Variants in FRMPD4 observed in about 807,000 individuals in gnomAD.
FRMPD4 encodes FERM and PDZ domain-containing protein 4.
In FRMPD4, 22 loss-of-function variants were observed where a neutral mutation model predicts 94.1. That is an observed-to-expected ratio of 0.23 (90% CI 0.17 to 0.33). The LOEUF (loss-of-function observed/expected upper bound fraction) is 0.33. FRMPD4 is among the 10% of genes least tolerant of loss of function. The pLI, the probability that FRMPD4 is intolerant of heterozygous loss-of-function variation, is 1.00. For synonymous variants in FRMPD4, 631 were observed against 548.6 expected, an observed-to-expected ratio of 1.15 and a Z score of -2.10; for missense variants, 1,111 against 1,339.9, an observed-to-expected ratio of 0.83 and a Z score of 2.67.
intron 2 of FRMPD4, among the ~76,000 whole-genome samples, chrX:12,606,028 A>C (rs1442506238): frequency 8.9e-6 from 1 of 112,608 alleles, no homozygotes; most frequent in Non-Finnish European, 1.9e-5. Context: ...AAATGAGTGC[A>C]TTGTGGAGTT....
chrX:12,270,021 T>C (rs955096734), intron 1 of FRMPD4, among the ~76,000 whole-genome samples: 1 of 112,244 alleles, frequency 8.9e-6, no homozygotes, highest in Non-Finnish European at 1.9e-5. Flanking sequence ...ATTTCCAAAA[T>C]TCTAATGCAC....
chrX:12,013,795 A>G (rs770900584), intron 3 of FRMPD4, among the ~76,000 whole-genome samples: 3 of 113,074 alleles, frequency 2.7e-5, no homozygotes, highest in African/African-American at 9.6e-5. Flanking sequence ...AATTATTTCA[A>G]ATGTTTCCCT....
At chrX:12,057,524 A>G (rs933585321) in intron 3 of FRMPD4, among the ~76,000 whole-genome samples, 1 of 111,957 alleles carries the variant, frequency 8.9e-6, no homozygotes, top group Non-Finnish European at 1.9e-5. Context: ...AACCATTTTA[A>G]TGGAAGTGAT....
At chrX:11,886,496 C>G (rs1043446199) in intron 3 of FRMPD4, among the ~76,000 whole-genome samples, 38 of 111,685 alleles carry the variant, frequency 3.4e-4, no homozygotes, top group Admixed American at 1.2e-3. Flanking sequence ...AGTGACTGTG[C>G]TTTGCCCTTT....
At chrX:11,877,163 T>C (rs1417133403) in intron 2 of FRMPD4, among the ~76,000 whole-genome samples, 4 of 112,393 alleles carry the variant, frequency 3.6e-5, no homozygotes, top group Non-Finnish European at 7.5e-5. Context: ...GATCAGCTTT[T>C]TCTCGCCAAG....
chrX:12,443,202 T>C (rs923290809), intron 1 of FRMPD4, among the ~76,000 whole-genome samples: 1 of 111,488 alleles, frequency 9.0e-6, no homozygotes, highest in African/African-American at 3.3e-5. Context: ...AATCAGCGAG[T>C]TGTACACTTC....
rs1338966317 is a variant in FRMPD4, at chrX:12,111,571, A to G, written c.95+233553A>G. On this transcript the variant is annotated intron_variant, in intron 3 of 18. Coordinates refer to the FRMPD4 transcript ENST00000640291. ...CAACAAAAGCCAAAATTGACAAATG[A>G]GATCTAATTAAACTAAAGAGCTTCT... Among the ~76,000 whole-genome samples, 42 of 111,281 alleles carry G rather than the reference A, an allele frequency of 3.8e-4. 1 individual carries two copies. In the East Asian group the frequency reaches 7.9e-3, roughly 21 times the overall value.
At chrX:12,198,906 G>A (rs1201847533) in intron 1 of FRMPD4, among the ~76,000 whole-genome samples, 1 of 112,440 alleles carries the variant, frequency 8.9e-6, no homozygotes, top group Non-Finnish European at 1.9e-5. Context: ...GAATGAACAC[G>A]AGGTTTTATA....
intron 4 of FRMPD4, among the ~76,000 whole-genome samples, chrX:12,648,320 A>G (rs2059566571): frequency 8.9e-6 from 1 of 111,754 alleles, no homozygotes; most frequent in African/African-American, 3.3e-5. Flanking sequence ...GACCCCATGC[A>G]TCCCTGCCTG....
intron 3 of FRMPD4, among the ~76,000 whole-genome samples, chrX:11,915,737 G>A (rs1480776399): frequency 8.9e-6 from 1 of 112,080 alleles, no homozygotes; most frequent in Non-Finnish European, 1.9e-5. Context: ...TGTAGAGATA[G>A]TGAACTCACC....
chrX:12,670,941 C>T (rs1017574172), intron 4 of FRMPD4, among the ~76,000 whole-genome samples: 2 of 112,535 alleles, frequency 1.8e-5, no homozygotes, highest in African/African-American at 3.2e-5. Context: ...TATGAACAAA[C>T]ACTTCTCAAA....
At chrX:12,716,001 T>TGGCCCCCC in intron 14 of FRMPD4, 68 bp from the exon 15 acceptor site, 1 of 231,650 alleles carries the variant, frequency 4.3e-6, no homozygotes, top group Non-Finnish European at 8.2e-6. Flanking sequence ...GAGACGAGCC[T>TGGCCCCCC]CCCACCCCCG....
chrX:12,367,375 C>T (rs1330484633), intron 1 of FRMPD4, among the ~76,000 whole-genome samples: 1 of 112,427 alleles, frequency 8.9e-6, no homozygotes, highest in East Asian at 2.8e-4. Context: ...CCCAGGGGCA[C>T]CCTTCACATT....
intron 1 of FRMPD4, among the ~76,000 whole-genome samples, chrX:12,218,523 C>T (rs2056831188): frequency 8.9e-6 from 1 of 112,104 alleles, no homozygotes; most frequent in Middle Eastern, 4.2e-3. Context: ...TTATATCATC[C>T]ATAATCAAAA....
chrX:12,276,228 T>C (rs1258673706), intron 1 of FRMPD4, among the ~76,000 whole-genome samples: 1 of 112,364 alleles, frequency 8.9e-6, no homozygotes, highest in Non-Finnish European at 1.9e-5. Flanking sequence ...AGAGTCAAAC[T>C]CTGTAAAATA....
chrX:12,707,404 A>G lies in FRMPD4; in HGVS notation c.1288-65A>G, dbSNP rs7877276. 20,133 of 819,389 alleles carry G rather than the reference A, an allele frequency of 0.025. 1,568 individuals carry two copies. The African/African-American group carries it at 0.28, about 11-fold the overall frequency. 67.5% of individuals were successfully genotyped at this position (819,389 alleles called of 1,213,427 possible). On this transcript the variant is annotated intron_variant, in intron 12 of 16. Coordinates refer to ENST00000675598, the MANE Select transcript of FRMPD4 (RefSeq NM_001368397.1). ...TATAATCTTATAAAAATAGGATCATAGGTTCAAGTTGGCATAGCATTTCAG... is the reference window on the plus strand; with the variant it reads ...TATAATCTTATAAAAATAGGATCATGGGTTCAAGTTGGCATAGCATTTCAG...
At chrX:11,863,513 C>A (rs1443171863) in intron 1 of FRMPD4, among the ~76,000 whole-genome samples, 1 of 110,757 alleles carries the variant, frequency 9.0e-6, no homozygotes, top group African/African-American at 3.3e-5. Context: ...TACAGCACCC[C>A]CTAGGCTACC....
chrX:12,126,519 A>G (rs999486333), intron 3 of FRMPD4, among the ~76,000 whole-genome samples: 1 of 111,313 alleles, frequency 9.0e-6, no homozygotes, highest in Non-Finnish European at 1.9e-5. Context: ...AGGAAGGGTG[A>G]GAGAGAGGTC....
intron 2 of FRMPD4, among the ~76,000 whole-genome samples, chrX:12,586,718 T>C (rs2058931835): frequency 8.9e-6 from 1 of 111,806 alleles, no homozygotes; most frequent in Non-Finnish European, 1.9e-5. Context: ...CTCAAGCAGG[T>C]GGGATTAATT....
Sources: allele counts gnomAD v4.1 joint callset (sites outside exome capture counted in the v4.1 genomes callset), GRCh38; gene constraint gnomAD v4.1.1; transcripts MANE v1.5; gene names NCBI Gene and HGNC (gene_info 2026-07-23, HGNC 2026-07-21).